ST7L: variants seen among roughly 807,000 people sequenced by gnomAD.
The protein encoded by ST7L is suppression of tumorigenicity 7 like.
ST7L carries 57 observed loss-of-function variants against 72.5 expected under a neutral mutation model. The ratio of observed to expected loss-of-function variants is 0.79; its 90% CI spans 0.64 to 0.98. ST7L has a LOEUF of 0.98. ST7L is among the 50% of genes least tolerant of loss of function. The pLI, the probability that ST7L is intolerant of heterozygous loss-of-function variation, is 0.00. For missense variants in ST7L, 576 were observed against 672.2 expected, an observed-to-expected ratio of 0.86 and a Z score of 1.58; for synonymous variants, 221 against 240.9, an observed-to-expected ratio of 0.92 and a Z score of 0.77.
intron 13 of ST7L, among the ~76,000 whole-genome samples, chr1:112,549,494 T>C (rs548488483): frequency 9.2e-5 from 14 of 152,228 alleles, no homozygotes; most frequent in Admixed American, 3.3e-4. Flanking sequence ...TATATTTTAG[T>C]GTACATGTCT....
intron 2 of ST7L, among the ~76,000 whole-genome samples, chr1:112,615,930 T>G (rs1669801489): frequency 6.6e-6 from 1 of 151,990 alleles, no homozygotes; most frequent in South Asian, 2.1e-4. Context: ...GTAGACGGAG[T>G]TTCATCATGT....
chr1:112,562,979 C>A (rs1277376270), intron 11 of ST7L, among the ~76,000 whole-genome samples: 3 of 151,816 alleles, frequency 2.0e-5, no homozygotes, highest in African/African-American at 4.8e-5. Flanking sequence ...AATATATATA[C>A]CAAACAGTAA....
downstream of ST7L, chr1:112,520,380 C>T: frequency 1.9e-6 from 3 of 1,614,146 alleles, no homozygotes; most frequent in African/African-American, 1.3e-5. Context: ...CAACTCGAGT[C>T]ACCCGTGTTA....
At chr1:112,528,399 C>T (rs187006431) in intron 14 of ST7L, 29 of 152,074 alleles carry the variant, frequency 1.9e-4, no homozygotes, top group African/African-American at 6.5e-4. Flanking sequence ...GTTCAGCATC[C>T]CCTATAGAGC....
At chr1:112,535,420 A>AGAT (rs1285221836) in intron 14 of ST7L, among the ~76,000 whole-genome samples, 1 of 151,448 alleles carries the variant, frequency 6.6e-6, no homozygotes, top group African/African-American at 2.4e-5. Flanking sequence ...AAGAAGAAGA[A>AGAT]GATGAAGAAG....
intron 6 of ST7L, among the ~76,000 whole-genome samples, chr1:112,584,619 C>T (rs193064388): frequency 2.0e-5 from 3 of 152,144 alleles, no homozygotes; most frequent in African/African-American, 7.2e-5. Context: ...TCCCGAGTAG[C>T]TGGGATTACA....
intron 13 of ST7L, among the ~76,000 whole-genome samples, chr1:112,548,999 TTGTG>T (rs71081247): frequency 0.066 from 9,864 of 148,872 alleles, 879 homozygotes; most frequent in East Asian, 0.38. Context: ...GCTTGTTACT[TTGTG>T]TGTGTGTGTG....
intron 3 of ST7L, 59 bp downstream of exon 3, chr1:112,610,782 C>A (rs1668957730): frequency 6.3e-7 from 1 of 1,578,288 alleles, no homozygotes; most frequent in East Asian, 2.2e-5. Flanking sequence ...TTTCTATCTC[C>A]CAGAGCCAAA....
At chr1:112,569,633 G>C (rs754190818) in intron 11 of ST7L, among the ~76,000 whole-genome samples, 1 of 152,126 alleles carries the variant, frequency 6.6e-6, no homozygotes, top group Non-Finnish European at 1.5e-5. Flanking sequence ...CTTTAAAAGT[G>C]AATTTTATAG....
At chr1:112,571,496 G>C (rs1321331756) in intron 11 of ST7L, 2 of 239,402 alleles carry the variant, frequency 8.4e-6, no homozygotes, top group Non-Finnish European at 8.3e-6. Context: ...GCATGATCTT[G>C]GCTCACTGCA....
Position 112,543,836 on chromosome 1 carries a change from T to G in ST7L, c.1490-1746A>C, listed in dbSNP as rs547266170. Among the ~76,000 whole-genome samples, 47 of 133,490 alleles carry G rather than the reference T, an allele frequency of 3.5e-4. No individual in the cohort carries two copies. The East Asian group carries it at 9.1e-3, about 26-fold the overall frequency. The allele number at this position is 133,490 out of a possible 152,430, so 87.6% of individuals were successfully genotyped here. ...GTGAGCCAAGATCATGCCACTGCAC[T>G]CTAGCCTGGGCAACAGAGTGAGACT... On this transcript the variant is annotated intron_variant, in intron 13 of 14. Coordinates refer to ENST00000358039, the MANE Select transcript of ST7L (RefSeq NM_017744.5).
chr1:112,577,077 T>C lies in ST7L; in HGVS notation c.1154A>G (p.Glu385Gly), dbSNP rs1387467498. ...TRTVSEKFSP[E>G]TASRRGLSTA... ...GCTTAATCCTCTTCTGGAGGCTGTT[T>C]CTGGAGAGAATCTACAAGAAAACCA... The change falls in exon 11 of 15, where the codon GAA becomes GGA. Residue 385 changes from glutamate (E) to glycine (G), a missense_variant. Transcript: ENST00000358039. 1.3e-6 allele frequency: 2 copies of C among 1,589,968 alleles called. No individual in the cohort carries two copies. Among genetic ancestry groups the C allele is most frequent in the Non-Finnish European group, 1.7e-6 (2 of 1,167,476 alleles).
rs138263996 is a variant in ST7L, at chr1:112,543,043, G to A, written c.1490-953C>T. On this transcript the variant is annotated intron_variant, in intron 13 of 14. Transcript: ENST00000358039. Reference sequence around the variant, plus strand: ...TCAAACTCCTGGCCTAAAGTGATCCGTCCACCTCGGCCTCCCAAAGCGCTG... The same window carrying A: ...TCAAACTCCTGGCCTAAAGTGATCCATCCACCTCGGCCTCCCAAAGCGCTG... Among the ~76,000 whole-genome samples the A allele has an allele frequency of 2.3e-3, 355 of 152,036 alleles. 3 individuals are homozygous for A. In the South Asian group the frequency reaches 0.027, roughly 12 times the overall value.
At chr1:112,563,791 T>G (rs1660534067) in intron 11 of ST7L, among the ~76,000 whole-genome samples, 1 of 152,200 alleles carries the variant, frequency 6.6e-6, no homozygotes, top group Non-Finnish European at 1.5e-5. Context: ...TTACTTTAAT[T>G]TTGAACTGCT....
chr1:112,584,467 T>C (rs1478079844), intron 6 of ST7L, among the ~76,000 whole-genome samples: 1 of 152,130 alleles, frequency 6.6e-6, no homozygotes, highest in Non-Finnish European at 1.5e-5. Flanking sequence ...ATTATCTGAA[T>C]TGTATACCCT....
At chr1:112,565,293 C>A (rs778119680) in intron 11 of ST7L, among the ~76,000 whole-genome samples, 1 of 133,650 alleles carries the variant, frequency 7.5e-6, no homozygotes, top group African/African-American at 2.9e-5. Context: ...TGGTCTCAAA[C>A]GCCTAACCTC....
chr1:112,544,403 A>C (rs1407127728), intron 13 of ST7L, among the ~76,000 whole-genome samples: 2 of 152,254 alleles, frequency 1.3e-5, no homozygotes, highest in Non-Finnish European at 2.9e-5. Context: ...AAATGTCCAG[A>C]ACCTTGAGCC....
At chr1:112,600,933 C>T (rs1024013833) in intron 3 of ST7L, 85 bp from the exon 4 acceptor site, 10 of 1,163,652 alleles carry the variant, frequency 8.6e-6, no homozygotes, top group African/African-American at 1.6e-5. Flanking sequence ...CCACTGTAGG[C>T]TAATCACAGT....
At chr1:112,566,260 C>T (rs998595194) in intron 11 of ST7L, among the ~76,000 whole-genome samples, 15 of 149,878 alleles carry the variant, frequency 1.0e-4, no homozygotes, top group Middle Eastern at 3.4e-3. Context: ...ATGCCCAAAT[C>T]AAGACATATT....
Sources: allele counts gnomAD v4.1 joint callset (sites outside exome capture counted in the v4.1 genomes callset), GRCh38; gene constraint gnomAD v4.1.1; transcripts MANE v1.5; gene names NCBI Gene and HGNC (gene_info 2026-07-23, HGNC 2026-07-21).